Variants in SLC7A14 observed in about 807,000 individuals in gnomAD.
SLC7A14 encodes solute carrier family 7 member 14.
A neutral mutation model predicts 60.2 loss-of-function variants in SLC7A14; 37 were observed. The ratio of observed to expected loss-of-function variants is 0.61; its 90% CI spans 0.47 to 0.81. The LOEUF (loss-of-function observed/expected upper bound fraction) is 0.81. SLC7A14 is among the 30% of genes least tolerant of loss of function. The pLI is 0.00. For synonymous variants in SLC7A14, 399 were observed against 395.8 expected (o/e 1.01, Z -0.10); for missense variants, 886 against 982.7 (o/e 0.90, Z 1.32).
intron 1 of SLC7A14, among the ~76,000 whole-genome samples, chr3:170,582,356 C>T (rs572212080): frequency 2.6e-4 from 40 of 152,270 alleles, no homozygotes; most frequent in African/African-American, 9.6e-4. Flanking sequence ...CTGTCCAACA[C>T]AGTTGTCATT....
At chr3:170,472,368 C>CAAAA (rs5854371) in intron 7 of SLC7A14, among the ~76,000 whole-genome samples, 1 of 144,548 alleles carries the variant, frequency 6.9e-6, no homozygotes. Context: ...GACTCCATCT[C>CAAAA]AAAAAAAAAA....
At chr3:170,578,057 C>A (rs906658122) in intron 1 of SLC7A14, among the ~76,000 whole-genome samples, 9 of 152,224 alleles carry the variant, frequency 5.9e-5, no homozygotes, top group Non-Finnish European at 1.2e-4. Flanking sequence ...AGTCAAAAAC[C>A]TAAAGGCAGA....
intron 7 of SLC7A14, among the ~76,000 whole-genome samples, chr3:170,472,234 G>A (rs1739931139): frequency 6.6e-6 from 1 of 151,846 alleles, no homozygotes; most frequent in South Asian, 2.1e-4. Flanking sequence ...GCTGGGCACG[G>A]TGGCGGGCAC....
chr3:170,580,880 C>A (rs1448893691), intron 1 of SLC7A14, among the ~76,000 whole-genome samples: 1 of 152,156 alleles, frequency 6.6e-6, no homozygotes, highest in African/African-American at 2.4e-5. Flanking sequence ...CTGTGTTAAT[C>A]TTTGTGTTAT....
intron 4 of SLC7A14, among the ~76,000 whole-genome samples, chr3:170,487,777 A>G (rs1712081815): frequency 6.6e-6 from 1 of 152,190 alleles, no homozygotes; most frequent in Non-Finnish European, 1.5e-5. Flanking sequence ...GAGGCCATGG[A>G]ATTCAGGGCA....
intron 1 of SLC7A14, among the ~76,000 whole-genome samples, chr3:170,582,123 C>T (rs1419196703): frequency 1.3e-5 from 2 of 152,178 alleles, no homozygotes; most frequent in African/African-American, 2.4e-5. Flanking sequence ...GACATGCACA[C>T]TCCTTCATAG....
intron 1 of SLC7A14, among the ~76,000 whole-genome samples, chr3:170,566,585 C>T (rs1196989951): frequency 6.6e-6 from 1 of 152,240 alleles, no homozygotes; most frequent in Non-Finnish European, 1.5e-5. Flanking sequence ...CCATCCCACT[C>T]ACTGTTGTCA....
intron 1 of SLC7A14, among the ~76,000 whole-genome samples, chr3:170,554,668 C>G (rs185050643): frequency 1.1e-4 from 17 of 152,192 alleles, no homozygotes; most frequent in African/African-American, 3.6e-4. Context: ...TATTCTCTGC[C>G]CCACGGCAGA....
chr3:170,549,592 G>A (rs895114921), intron 1 of SLC7A14, among the ~76,000 whole-genome samples: 10 of 152,186 alleles, frequency 6.6e-5, no homozygotes, highest in African/African-American at 2.2e-4. Context: ...AGCTGAGGAA[G>A]TTTGTTTAAA....
chr3:170,566,692 G>A (rs190496796), intron 1 of SLC7A14, among the ~76,000 whole-genome samples: 39 of 152,140 alleles, frequency 2.6e-4, no homozygotes, highest in Admixed American at 4.6e-4. Context: ...TCAAGGCCCG[G>A]AAGAGATGAG....
chr3:170,512,060 T>A (rs375805472), intron 2 of SLC7A14, among the ~76,000 whole-genome samples: 81 of 152,316 alleles, frequency 5.3e-4, no homozygotes, highest in African/African-American at 1.8e-3. Context: ...CCTACCCGAA[T>A]ATTTCTCAAC....
chr3:170,530,078 A>G (rs1713627756), intron 1 of SLC7A14, among the ~76,000 whole-genome samples: 5 of 152,244 alleles, frequency 3.3e-5, no homozygotes. Context: ...AAGTAATTGC[A>G]GTAAAGCACA....
chr3:170,578,387 A>G (rs192542726), intron 1 of SLC7A14, among the ~76,000 whole-genome samples: 60 of 151,922 alleles, frequency 3.9e-4, no homozygotes, highest in African/African-American at 1.4e-3. Context: ...CTAGTAAAAA[A>G]TTGAGCTAAA....
intron 1 of SLC7A14, among the ~76,000 whole-genome samples, chr3:170,579,436 AT>A (rs979547760): frequency 2.0e-5 from 3 of 152,178 alleles, no homozygotes; most frequent in African/African-American, 7.2e-5. Context: ...ACATGGAAAA[AT>A]TTTTTTAAAA....
At chr3:170,557,329 A>G (rs1861937) in intron 1 of SLC7A14, among the ~76,000 whole-genome samples, 50,665 of 151,680 alleles carry the variant, frequency 0.33, 8,654 homozygotes, top group East Asian at 0.39. Flanking sequence ...TCTGCTGCCC[A>G]GCCGAGCCTG....
rs1739582526 is a variant in SLC7A14, at chr3:170,460,736, CCT to C, written c.*6317_*6318del. 1 of 151,420 alleles carries C rather than the reference CCT, an allele frequency of 6.6e-6. No individual in the cohort carries two copies. The highest frequency in any genetic ancestry group is 1.5e-5 in the Non-Finnish European group (1 of 67,918). 9.4% of individuals were successfully genotyped at this position (151,420 alleles called of 1,614,324 possible). A position where few individuals can be genotyped will look rare whatever the true frequency, so the allele number is the denominator to read the frequency against. Reference sequence around the variant, plus strand: ...TCCTACCATAAAAATCCAGGCTGCCCCTGTTTCCTAGCTCTAATATAAGCCAT... The same window carrying C: ...TCCTACCATAAAAATCCAGGCTGCCCGTTTCCTAGCTCTAATATAAGCCAT... On this transcript the variant is annotated 3_prime_UTR_variant, in exon 8 of 8. Coordinates refer to ENST00000231706, the MANE Select transcript of SLC7A14 (RefSeq NM_020949.3).
intron 7 of SLC7A14, among the ~76,000 whole-genome samples, chr3:170,474,936 C>G (rs1047663097): frequency 4.6e-5 from 7 of 152,318 alleles, no homozygotes; most frequent in Non-Finnish European, 8.8e-5. Context: ...CCGCAGGGAA[C>G]AGCAGGCCCG....
At chr3:170,528,003 C>G (rs985632096) in intron 1 of SLC7A14, among the ~76,000 whole-genome samples, 3 of 152,148 alleles carry the variant, frequency 2.0e-5, no homozygotes, top group Non-Finnish European at 2.9e-5. Context: ...TTTCAGAAAA[C>G]CAAGGACCCC....
At chr3:170,577,279 ATCT>A (rs945191679) in intron 1 of SLC7A14, among the ~76,000 whole-genome samples, 2 of 152,212 alleles carry the variant, frequency 1.3e-5, no homozygotes, top group Non-Finnish European at 2.9e-5. Context: ...TGGAAAGCAG[ATCT>A]TCTGACTCCT....
Sources: gnomAD v4.1 joint callset for allele counts (sites outside exome capture counted in the v4.1 genomes callset) on GRCh38, gnomAD v4.1.1 for gene constraint, MANE v1.5 for transcripts, NCBI Gene and HGNC (gene_info 2026-07-23, HGNC 2026-07-21) for gene names.